The following OPA1 variants were observed in gnomAD, a reference collection of about 807,000 sequenced individuals.
OPA1 encodes the protein OPA1 mitochondrial dynamin like GTPase.
Under a neutral mutation model 152.9 loss-of-function variants are expected in OPA1, and 59 were observed. The observed-to-expected ratio is 0.39, with a 90% confidence interval of 0.31 to 0.48. The LOEUF (loss-of-function observed/expected upper bound fraction) is 0.48, where lower values mean the gene tolerates loss of function less well. Among genes scored for constraint, OPA1 ranks in the 20% least tolerant of loss-of-function variants. The pLI, the probability that OPA1 is intolerant of heterozygous loss-of-function variation, is 0.96. For missense variants in OPA1, 1,008 were observed against 1,216.8 expected (o/e 0.83, Z 2.55); for synonymous variants, 400 against 389.9 (o/e 1.03, Z -0.31).
intron 1 of OPA1, among the ~76,000 whole-genome samples, chr3:193,596,523 C>T (rs540710299): frequency 4.0e-4 from 61 of 151,626 alleles, no homozygotes; most frequent in Admixed American, 5.3e-4. Flanking sequence ...TACAGGCGTG[C>T]GCCACTGCAT....
chr3:193,647,611 A>G (rs1374825354), intron 19 of OPA1, among the ~76,000 whole-genome samples: 1 of 152,202 alleles, frequency 6.6e-6, no homozygotes, highest in East Asian at 1.9e-4. Context: ...CTCTTTTCCC[A>G]TATGTAAATC....
At chr3:193,598,011 C>T (rs1478248226) in intron 1 of OPA1, among the ~76,000 whole-genome samples, 2 of 152,074 alleles carry the variant, frequency 1.3e-5, no homozygotes, top group African/African-American at 2.4e-5. Context: ...AGCCCAGATA[C>T]GTGGGGCTGC....
At chr3:193,642,069 TC>T (rs1318404037) in intron 11 of OPA1, among the ~76,000 whole-genome samples, 1 of 152,322 alleles carries the variant, frequency 6.6e-6, no homozygotes, top group Non-Finnish European at 1.5e-5. Flanking sequence ...TGAGCCGAGA[TC>T]ATGCCACTGC....
At chr3:193,614,386 G>A (rs1479436687) in intron 1 of OPA1, among the ~76,000 whole-genome samples, 1 of 152,192 alleles carries the variant, frequency 6.6e-6, no homozygotes, top group Non-Finnish European at 1.5e-5. Flanking sequence ...ATATTAGAGT[G>A]GAGTCCCACT....
At position 193,657,097 on chromosome 3, in the gene OPA1, A is replaced by T; in HGVS notation, c.2196A>T (p.Leu732=). The T allele has an allele frequency of 4.3e-6, 7 of 1,613,588 alleles. No homozygotes were observed. Among genetic ancestry groups the T allele is most frequent in the Non-Finnish European group, 5.9e-6 (7 of 1,179,782 alleles). The change falls in exon 23 of 31, where the codon CTA becomes CTT. Residue 732 remains leucine, a synonymous_variant. Transcript: ENST00000361510. ...AATTATAGGTTGCTTGGGAGACCCT[A>T]CAAGAAGAATTTTCCCGCTTTATGA... ...NKAVEVAWET[L]QEEFSRFMTE... is the part of the protein sequence containing the mutation.
intron 8 of OPA1, 54 bp from the exon 9 acceptor site, chr3:193,635,359 TAATAC>T (rs1451127550): frequency 9.9e-7 from 1 of 1,007,252 alleles, no homozygotes; most frequent in African/African-American, 1.6e-5. Flanking sequence ...AATTTAGACT[TAATAC>T]TATTTGATAA....
chr3:193,638,206 C>A, intron 11 of OPA1, 141 bp downstream of exon 11: 1 of 720,572 alleles, frequency 1.4e-6, no homozygotes, highest in South Asian at 1.5e-5. Flanking sequence ...GTGTGGAAAT[C>A]AGTAGAAGGC....
chr3:193,693,217 C>T (rs1404911552), intron 30 of OPA1, among the ~76,000 whole-genome samples: 1 of 152,166 alleles, frequency 6.6e-6, no homozygotes, highest in Non-Finnish European at 1.5e-5. Flanking sequence ...TTTGAGAAAG[C>T]AGGGTGGAAA....
chr3:193,656,509 A>G (rs1180339802), intron 22 of OPA1, among the ~76,000 whole-genome samples: 1 of 152,242 alleles, frequency 6.6e-6, no homozygotes, highest in African/African-American at 2.4e-5. Context: ...CTCTTCGGCT[A>G]TGTTTTAAAG....
At chr3:193,671,133 T>C (rs983573179) in intron 29 of OPA1, among the ~76,000 whole-genome samples, 10 of 152,128 alleles carry the variant, frequency 6.6e-5, no homozygotes, top group African/African-American at 2.4e-4. Flanking sequence ...ACGCAAAATA[T>C]GTTCACAGAA....
intron 29 of OPA1, among the ~76,000 whole-genome samples, chr3:193,683,135 G>T (rs1160253155): frequency 6.6e-6 from 1 of 152,130 alleles, no homozygotes; most frequent in Admixed American, 6.5e-5. Context: ...GAAGAGTTTG[G>T]GACTTAAGAG....
At chr3:193,641,066 A>AT (rs1290695095) in intron 11 of OPA1, among the ~76,000 whole-genome samples, 5 of 152,234 alleles carry the variant, frequency 3.3e-5, no homozygotes, top group Admixed American at 2.6e-4. Flanking sequence ...AGAGAAAAAA[A>AT]CAAAATGAAC....
At position 193,618,816 on chromosome 3, in the gene OPA1, T is replaced by C. The variant is rs556511087; in HGVS notation, c.611-53T>C. The C allele has an allele frequency of 1.3e-4, 180 of 1,392,508 alleles. No individual in the cohort carries two copies. The South Asian group carries it at 2.0e-3, about 15-fold the overall frequency. The allele number at this position is 1,392,508 out of a possible 1,614,324, so 86.3% of individuals were successfully genotyped here. On this transcript the variant is annotated intron_variant, in intron 5 of 30. Transcript: ENST00000361510. Reference sequence around the variant, plus strand: ...GACTCGATGTAATTTGAAATTCAGCTTAGGCTGTTGACATCACTGGAGAAT... The same window carrying C: ...GACTCGATGTAATTTGAAATTCAGCCTAGGCTGTTGACATCACTGGAGAAT...
At chr3:193,651,280 G>A (rs1203921590) in intron 21 of OPA1, among the ~76,000 whole-genome samples, 2 of 152,152 alleles carry the variant, frequency 1.3e-5, no homozygotes, top group Admixed American at 1.3e-4. Context: ...AAGCAAGGAG[G>A]CAGTTGGCTT....
chr3:193,688,527 G>C (rs533699261), intron 29 of OPA1, among the ~76,000 whole-genome samples: 1 of 122,536 alleles, frequency 8.2e-6, no homozygotes, highest in South Asian at 2.9e-4. Flanking sequence ...CACCAGGCTG[G>C]AGTGCAGTGG....
At chr3:193,640,491 G>T (rs115025433) in intron 11 of OPA1, among the ~76,000 whole-genome samples, 1 of 152,220 alleles carries the variant, frequency 6.6e-6, no homozygotes, top group Non-Finnish European at 1.5e-5. Context: ...AAAGGGGAAC[G>T]TGTGGAAGTT....
chr3:193,600,112 CA>C, intron 1 of OPA1, among the ~76,000 whole-genome samples: 1 of 152,132 alleles, frequency 6.6e-6, no homozygotes, highest in East Asian at 1.9e-4. Context: ...CACAAGGACT[CA>C]AATATAAAAG....
chr3:193,663,626 G>T (rs1470620542), intron 26 of OPA1, among the ~76,000 whole-genome samples: 1 of 152,058 alleles, frequency 6.6e-6, no homozygotes, highest in African/African-American at 2.4e-5. Flanking sequence ...TAGCTTAAGT[G>T]AACACAATTA....
rs766448341 is a variant in OPA1 at position 193,688,449 on chromosome 3, C to CTTTTTTTTTTTTTT, written c.2984-3580_2984-3567dup. On this transcript the variant is annotated intron_variant, in intron 29 of 30. Coordinates refer to ENST00000361510, the MANE Select transcript of OPA1 (RefSeq NM_130837.3). ...TGATTTTTACTGAAATGGGTCTTTTCTTTTTTTTTTTTTTTTTTTTTTTTT... is the reference window on the plus strand; with the variant it reads ...TGATTTTTACTGAAATGGGTCTTTTCTTTTTTTTTTTTTTTTTTTTTTTTTTTTTTTTTTTTTTT... Among the ~76,000 whole-genome samples, 15 of 63,352 alleles carry CTTTTTTTTTTTTTT rather than the reference C, an allele frequency of 2.4e-4. 3 individuals are homozygous for CTTTTTTTTTTTTTT. The highest frequency in any genetic ancestry group is 3.0e-4 in the Non-Finnish European group (9 of 30,306). The allele number at this position is 63,352 out of a possible 152,430, so 41.6% of individuals were successfully genotyped here. A position where few individuals can be genotyped will look rare whatever the true frequency, so the allele number is the denominator to read the frequency against.
Sources: gnomAD v4.1 joint callset for allele counts (sites outside exome capture counted in the v4.1 genomes callset) on GRCh38, gnomAD v4.1.1 for gene constraint, MANE v1.5 for transcripts, NCBI Gene and HGNC (gene_info 2026-07-23, HGNC 2026-07-21) for gene names.